BORCS8: variants seen among roughly 807,000 people sequenced by gnomAD.
BORCS8 encodes BLOC-1 related complex subunit 8.
In BORCS8, 13 loss-of-function variants were observed where a neutral mutation model predicts 18.7. The observed-to-expected ratio is 0.70, with a 90% confidence interval of 0.45 to 1.11. BORCS8 has a LOEUF of 1.11. Ranked by LOEUF, BORCS8 falls within the 50% of genes least tolerant of loss-of-function variation. BORCS8 has a pLI of 0.00. For missense variants in BORCS8, 165 were observed against 165.7 expected, an observed-to-expected ratio of 1.00 and a Z score of 0.02; for synonymous variants, 68 against 64.8, an observed-to-expected ratio of 1.05 and a Z score of -0.24.
intron 1 of BORCS8, among the ~76,000 whole-genome samples, chr19:19,191,305 A>G (rs2060472017): frequency 6.6e-6 from 1 of 151,790 alleles, no homozygotes; most frequent in East Asian, 1.9e-4. Flanking sequence ...CCTGGGTGAC[A>G]GAGCGAGACT....
intron 1 of BORCS8, among the ~76,000 whole-genome samples, chr19:19,188,773 C>G (rs2060436411): frequency 6.6e-6 from 1 of 152,142 alleles, no homozygotes; most frequent in Non-Finnish European, 1.5e-5. Context: ...CTCGCTCAGC[C>G]TCCTCACCAG....
At chr19:19,183,820 T>C (rs2060376991) in intron 3 of BORCS8, among the ~76,000 whole-genome samples, 1 of 151,546 alleles carries the variant, frequency 6.6e-6, no homozygotes, top group South Asian at 2.1e-4. Flanking sequence ...TCCTCCTGCC[T>C]CGGCCTCCAA....
intron 1 of BORCS8, among the ~76,000 whole-genome samples, chr19:19,191,752 G>GT (rs1173894940): frequency 2.6e-5 from 4 of 151,924 alleles, no homozygotes; most frequent in South Asian, 4.1e-4. Context: ...GCTAATTTTT[G>GT]TATTTTTTTA....
At chr19:19,183,044 G>A (rs1357071977) in intron 3 of BORCS8, among the ~76,000 whole-genome samples, 1 of 152,218 alleles carries the variant, frequency 6.6e-6, no homozygotes, top group Non-Finnish European at 1.5e-5. Flanking sequence ...AAGAGGCCAA[G>A]GCAAGAGGAT....
chr19:19,184,364 G>A (rs1232194287), intron 3 of BORCS8, among the ~76,000 whole-genome samples: 1 of 136,236 alleles, frequency 7.3e-6, no homozygotes, highest in Non-Finnish European at 1.5e-5. Context: ...GGAGTGCAAT[G>A]GCGTGATCTC....
chr19:19,181,107 A>C lies in BORCS8; in HGVS notation c.327-346T>G, dbSNP rs2060344840. Among the ~76,000 whole-genome samples the C allele has an allele frequency of 1.3e-5, 2 of 152,140 alleles. 1 individual carries two copies. On this transcript the variant is annotated intron_variant, in intron 4 of 5. Transcript: ENST00000462790. ...CTACTCGAGAGGCTGAGGCACGAGA[A>C]TCACTTGGAACCCAGAGAGGGAGGC...
chr19:19,181,993 C>T (rs973684952), intron 4 of BORCS8: 2 of 985,482 alleles, frequency 2.0e-6, no homozygotes, highest in South Asian at 9.4e-5. Context: ...CGTTTTCAGA[C>T]CCCTGGTCCT....
chr19:19,190,113 A>G (rs947686681), intron 1 of BORCS8, among the ~76,000 whole-genome samples: 1 of 152,090 alleles, frequency 6.6e-6, no homozygotes. Flanking sequence ...CTGACTACCA[A>G]GCTTAAAAGA....
chr19:19,190,559 C>T (rs1280560780), intron 1 of BORCS8, among the ~76,000 whole-genome samples: 2 of 152,150 alleles, frequency 1.3e-5, no homozygotes, highest in Non-Finnish European at 2.9e-5. Context: ...GAGGCCGAAG[C>T]GGGAGGATCA....
At chr19:19,185,984 G>C (rs1440488272) in intron 3 of BORCS8, 50 bp downstream of exon 3, 1 of 1,529,178 alleles carries the variant, frequency 6.5e-7, no homozygotes, top group East Asian at 2.4e-5. Context: ...ATGCCCAGGA[G>C]GCCAGAGCAG....
chr19:19,179,236 T>C (rs983710580), intron 5 of BORCS8: 2 of 152,446 alleles, frequency 1.3e-5, no homozygotes, highest in African/African-American at 4.8e-5. Context: ...CGTAGGGCAC[T>C]GGGCTGGGCT....
At chr19:19,177,715 A>AGG (rs1568562148) in intron 5 of BORCS8, 10 of 106,098 alleles carry the variant, frequency 9.4e-5, no homozygotes, top group Non-Finnish European at 1.3e-4. Context: ...AAAGAAAAGA[A>AGG]AAGAAAAGAA....
At chr19:19,184,611 T>C (rs558382477) in intron 3 of BORCS8, among the ~76,000 whole-genome samples, 1 of 151,982 alleles carries the variant, frequency 6.6e-6, no homozygotes, top group South Asian at 2.1e-4. Context: ...CTGTTTTTTG[T>C]TTTTTTGAGA....
In BORCS8 at chr19:19,182,585, G is replaced by A. The variant is rs1170594540; in HGVS notation, c.314C>T (p.Ala105Val). 2 of 1,550,934 alleles carry A rather than the reference G, an allele frequency of 1.3e-6. No homozygotes were observed. Among genetic ancestry groups the A allele is most frequent in the African/African-American group, 1.4e-5 (1 of 73,150 alleles). Residue 105 changes from alanine (A) to valine (V), a missense_variant, in exon 4 of 6, where the codon GCC becomes GTC. Ala to Val is a moderately conservative substitution (Grantham distance 64). Transcript: ENST00000462790. This position sits in a 1 kb window ranked among gnomAD's most constrained non-coding sequence, Gnocchi z 4.1. ...TCCCAGGAGCTACCTGTGGCCCTGGGCACTGGCATTCATATGGTCCCGGAT... is the reference window on the plus strand; with the variant it reads ...TCCCAGGAGCTACCTGTGGCCCTGGACACTGGCATTCATATGGTCCCGGAT... ...ISIRDHMNAS[A>V]QGHSPEEPPP...
chr19:19,190,500 G>C (rs1402201229), intron 1 of BORCS8, among the ~76,000 whole-genome samples: 16 of 152,114 alleles, frequency 1.1e-4, no homozygotes, highest in African/African-American at 1.7e-4. Flanking sequence ...TTGAATGTGA[G>C]CATAACGGCC....
intron 5 of BORCS8, chr19:19,177,869 T>A (rs2060315387): frequency 6.5e-6 from 1 of 152,792 alleles, no homozygotes; most frequent in African/African-American, 2.4e-5. Context: ...CTTCTCTGAC[T>A]GTGCCCTTTT....
At chr19:19,184,455 C>G (rs752749533) in intron 3 of BORCS8, among the ~76,000 whole-genome samples, 1 of 151,742 alleles carries the variant, frequency 6.6e-6, no homozygotes, top group Non-Finnish European at 1.5e-5. Context: ...ACAGGTGCCA[C>G]CACACCTGGC....
intron 1 of BORCS8, among the ~76,000 whole-genome samples, chr19:19,188,440 G>A (rs573397858): frequency 1.2e-4 from 18 of 151,978 alleles, no homozygotes; most frequent in Non-Finnish European, 2.5e-4. Flanking sequence ...TTATAGGCAT[G>A]AGCCACTGTG....
chr19:19,185,909 A>G, intron 3 of BORCS8, 125 bp downstream of exon 3: 1 of 956,574 alleles, frequency 1.0e-6, no homozygotes, highest in Non-Finnish European at 1.6e-6. Flanking sequence ...TACAGACCCC[A>G]TACACCCACT....
Sources: allele counts gnomAD v4.1 joint callset (sites outside exome capture counted in the v4.1 genomes callset), GRCh38; gene constraint gnomAD v4.1.1; non-coding constraint Gnocchi (gnomAD v3.1); transcripts MANE v1.5; gene names NCBI Gene and HGNC (gene_info 2026-07-23, HGNC 2026-07-21).